Variants in LCMT1 observed in about 807,000 individuals in gnomAD.
The protein encoded by LCMT1 is leucine carboxyl methyltransferase 1, also known as [Phosphatase 2A protein]-leucine-carboxy methyltransferase 1.
In LCMT1, 32 loss-of-function variants were observed where a neutral mutation model predicts 47.7. That is an observed-to-expected ratio of 0.67 (90% CI 0.51 to 0.90). LCMT1 has a LOEUF of 0.90. Ranked by LOEUF, LCMT1 falls within the 40% of genes least tolerant of loss-of-function variation. LCMT1 has a pLI of 0.00. For synonymous variants in LCMT1, 152 were observed against 149.7 expected (o/e 1.02, Z -0.11); for missense variants, 375 against 415.2 (o/e 0.90, Z 0.84).
At chr16:25,112,759 C>T (rs78503296) in intron 1 of LCMT1, among the ~76,000 whole-genome samples, 1,672 of 152,220 alleles carry the variant, frequency 0.011, 24 homozygotes, top group African/African-American at 0.037. Context: ...CAAATAATTA[C>T]CTATGAAATA....
At chr16:25,141,272 C>G (rs147866367) in intron 4 of LCMT1, 2 of 152,240 alleles carry the variant, frequency 1.3e-5, no homozygotes, top group South Asian at 4.1e-4. Context: ...TAGGTATCCA[C>G]TGATGGAGCC....
chr16:25,120,718 C>T (rs1291861084), intron 1 of LCMT1, among the ~76,000 whole-genome samples: 1 of 150,386 alleles, frequency 6.6e-6, no homozygotes, highest in Non-Finnish European at 1.5e-5. Context: ...CGTGAGACAC[C>T]GCACCTGGCC....
At chr16:25,176,814 G>A (rs1468310427) in intron 10 of LCMT1, among the ~76,000 whole-genome samples, 2 of 150,384 alleles carry the variant, frequency 1.3e-5, no homozygotes, top group Non-Finnish European at 3.0e-5. Context: ...TGCCTGGCTC[G>A]GCCCCCCAAA....
intron 1 of LCMT1, among the ~76,000 whole-genome samples, chr16:25,124,782 T>C (rs1960111762): frequency 6.6e-6 from 1 of 152,230 alleles, no homozygotes; most frequent in Non-Finnish European, 1.5e-5. Flanking sequence ...AAGCATTAGG[T>C]GGTTGGACCA....
intron 8 of LCMT1, among the ~76,000 whole-genome samples, chr16:25,170,380 A>G (rs1467399418): frequency 2.0e-5 from 3 of 152,150 alleles, no homozygotes; most frequent in South Asian, 2.1e-4. Flanking sequence ...TGCTTGTTCA[A>G]TATGGAAAGT....
intron 1 of LCMT1, chr16:25,125,907 C>T: frequency 1.1e-6 from 1 of 873,852 alleles, no homozygotes; most frequent in Non-Finnish European, 1.4e-6. Context: ...AGTTGGTTCA[C>T]TTACTTTCCA....
chr16:25,164,698 A>G lies in LCMT1; in HGVS notation c.670A>G (p.Met224Val). The G allele has an allele frequency of 6.2e-7, 1 of 1,614,042 alleles. No homozygotes were observed. Among genetic ancestry groups the G allele is most frequent in the South Asian group, 1.1e-5 (1 of 91,086 alleles). Residue 224 changes from methionine to valine, a missense_variant, in exon 7 of 11, where the codon ATG becomes GTG. Met to Val is a conservative substitution (Grantham distance 21). Transcript: ENST00000399069. ...GGCAGCCAACAGTTTTGAGAGAGCC[A>G]TGTTCATAAACTACGAACAGGTAAA... The part of the protein sequence containing the change: ...KWAANSFERA[M>V]FINYEQVNMG...
At chr16:25,128,911 TG>T (rs1960271753) in intron 2 of LCMT1, among the ~76,000 whole-genome samples, 1 of 116,690 alleles carries the variant, frequency 8.6e-6, no homozygotes, top group Non-Finnish European at 1.7e-5. Context: ...CTGTCAGGGG[TG>T]GGGGGCAAGG....
At chr16:25,116,324 A>G (rs11645986) in intron 1 of LCMT1, among the ~76,000 whole-genome samples, 22,973 of 152,270 alleles carry the variant, frequency 0.15, 2,348 homozygotes, top group Non-Finnish European at 0.23. Flanking sequence ...AGTCACTTCT[A>G]TCAGCTGGGA....
intron 8 of LCMT1, 94 bp downstream of exon 8, chr16:25,169,307 T>C (rs1476774973): frequency 1.2e-6 from 1 of 820,184 alleles, no homozygotes; most frequent in East Asian, 2.5e-5. Context: ...GGAGAAGCCC[T>C]GTTCAGTGCC....
intron 4 of LCMT1, chr16:25,140,527 T>C (rs1449666009): frequency 1.7e-5 from 7 of 423,090 alleles, no homozygotes; most frequent in Non-Finnish European, 3.0e-5. Context: ...GTTTTTGTTT[T>C]TGGGGCTTGT....
At chr16:25,127,514 G>T (rs929352511) in intron 1 of LCMT1, among the ~76,000 whole-genome samples, 1 of 152,162 alleles carries the variant, frequency 6.6e-6, no homozygotes, top group Non-Finnish European at 1.5e-5. Flanking sequence ...TTGTAGTCAG[G>T]CCAGAGGTAA....
chr16:25,141,172 C>T (rs189964654), intron 4 of LCMT1: 51 of 152,176 alleles, frequency 3.4e-4, no homozygotes, highest in African/African-American at 1.2e-3. Context: ...CAAACTTTAC[C>T]AAAAGGTTAA....
At chr16:25,129,786 T>C (rs1960296488) in intron 2 of LCMT1, among the ~76,000 whole-genome samples, 1 of 152,244 alleles carries the variant, frequency 6.6e-6, no homozygotes, top group Non-Finnish European at 1.5e-5. Context: ...CTTTTGTATA[T>C]TTCAGGCTGA....
At chr16:25,130,451 A>G (rs973152265) in intron 2 of LCMT1, among the ~76,000 whole-genome samples, 8 of 152,052 alleles carry the variant, frequency 5.3e-5, no homozygotes, top group African/African-American at 1.9e-4. Context: ...CAGGAGTTCA[A>G]GACCAGCCTG....
chr16:25,114,258 T>C (rs1024881929), intron 1 of LCMT1, among the ~76,000 whole-genome samples: 1 of 152,184 alleles, frequency 6.6e-6, no homozygotes. Context: ...TGCGGATAAG[T>C]AGGATGTTAT....
chr16:25,161,102 A>T lies in LCMT1; in HGVS notation c.467A>T (p.Asp156Val). The change falls in exon 6 of 11, where the codon GAT becomes GTT. Residue 156 changes from aspartate (D) to valine (V), a missense_variant and splice_region_variant. Transcript: ENST00000399069. ...TTATAGCCTCTGATTGCATTTGCAG[A>T]TGGACACATACTGGATTCAAAGAGA... The part of the protein sequence containing the change: ...ELHSEDTLQM[D>V]GHILDSKRYA... 6.3e-7 allele frequency: 1 copy of T among 1,591,056 alleles called. No homozygotes were observed. Among genetic ancestry groups the T allele is most frequent in the South Asian group, 1.1e-5 (1 of 88,496 alleles).
At chr16:25,135,531 T>C (rs1162643257) in intron 3 of LCMT1, among the ~76,000 whole-genome samples, 1 of 152,226 alleles carries the variant, frequency 6.6e-6, no homozygotes, top group Non-Finnish European at 1.5e-5. Context: ...TTTCTGGCTC[T>C]TTACAGAAGC....
Position 25,161,124 on chromosome 16 carries a change from G to A in LCMT1, c.489G>A (p.Lys163=). The change falls in exon 6 of 11, where the codon AAG becomes AAA. Residue 163 remains lysine, a synonymous_variant. Coordinates refer to ENST00000399069, the MANE Select transcript of LCMT1 (RefSeq NM_016309.3). ...CAGATGGACACATACTGGATTCAAAGAGATATGCCGTTATTGGAGCAGATC... is the reference window on the plus strand; with the variant it reads ...CAGATGGACACATACTGGATTCAAAAAGATATGCCGTTATTGGAGCAGATC... ...LQMDGHILDS[K]RYAVIGADLR... 1 of 1,609,116 alleles carries A rather than the reference G, an allele frequency of 6.2e-7. No individual in the cohort carries two copies. Among genetic ancestry groups the A allele is most frequent in the African/African-American group, 1.3e-5 (1 of 74,910 alleles).
Sources: gnomAD v4.1 joint callset for allele counts (sites outside exome capture counted in the v4.1 genomes callset) on GRCh38, gnomAD v4.1.1 for gene constraint, MANE v1.5 for transcripts, NCBI Gene and HGNC (gene_info 2026-07-23, HGNC 2026-07-21) for gene names.